Variants in ITGB1 observed in about 807,000 individuals in gnomAD.
ITGB1 encodes the protein integrin beta-1.
ITGB1 carries 24 observed loss-of-function variants against 86.5 expected under a neutral mutation model. That is an observed-to-expected ratio of 0.28 (90% CI 0.20 to 0.39). ITGB1 has a LOEUF of 0.39. Ranked by LOEUF, ITGB1 falls within the 10% of genes least tolerant of loss-of-function variation. The pLI, the probability that ITGB1 is intolerant of heterozygous loss-of-function variation, is 1.00. For missense variants in ITGB1, 556 were observed against 946.9 expected, an observed-to-expected ratio of 0.59 and a Z score of 5.42; for synonymous variants, 323 against 316.8, an observed-to-expected ratio of 1.02 and a Z score of -0.21.
intron 9 of ITGB1, among the ~76,000 whole-genome samples, chr10:32,921,000 CAAAAACAGAAA>C (rs2094947811): frequency 6.6e-6 from 1 of 150,550 alleles, no homozygotes; most frequent in South Asian, 2.1e-4. Context: ...AAAACAAAAA[CAAAAACAGAAA>C]CCCCCCAAAA....
At chr10:32,918,140 A>G (rs2094937716) in intron 11 of ITGB1, among the ~76,000 whole-genome samples, 1 of 152,192 alleles carries the variant, frequency 6.6e-6, no homozygotes, top group South Asian at 2.1e-4. Context: ...TGGGAACTGA[A>G]CAATGAGAAC....
chr10:32,946,678 T>G (rs1449510344), intron 1 of ITGB1, among the ~76,000 whole-genome samples: 2 of 142,388 alleles, frequency 1.4e-5, no homozygotes, highest in East Asian at 4.6e-4. Flanking sequence ...ATTAATTGCC[T>G]TTAAAAATCT....
At chr10:32,932,463 C>T (rs771695671) in intron 3 of ITGB1, 52 bp downstream of exon 3, 2 of 964,826 alleles carry the variant, frequency 2.1e-6, no homozygotes, top group Admixed American at 3.4e-5. Flanking sequence ...AGCACTGAGC[C>T]ACACTAAATG....
At chr10:32,925,721 C>A in intron 6 of ITGB1, 150 bp downstream of exon 6, 1 of 635,206 alleles carries the variant, frequency 1.6e-6, no homozygotes, top group Non-Finnish European at 2.8e-6. Flanking sequence ...TGTATACAGG[C>A]AATTTAAGGG....
chr10:32,951,923 G>C (rs2095043464), intron 1 of ITGB1, among the ~76,000 whole-genome samples: 1 of 152,188 alleles, frequency 6.6e-6, no homozygotes, highest in East Asian at 1.9e-4. Flanking sequence ...CAATTAAGGA[G>C]AATTATCTTC....
At chr10:32,948,449 G>A (rs1593887587) in intron 1 of ITGB1, among the ~76,000 whole-genome samples, 2 of 152,056 alleles carry the variant, frequency 1.3e-5, no homozygotes, top group Admixed American at 1.3e-4. Flanking sequence ...TGAGGGGAGG[G>A]AATAACATAC....
At chr10:32,951,833 G>A (rs551073202) in intron 1 of ITGB1, 1 of 152,196 alleles carries the variant, frequency 6.6e-6, no homozygotes, top group Non-Finnish European at 1.5e-5. Context: ...AAAGATAATT[G>A]TGAGTGGAGC....
chr10:32,923,657 A>G lies in ITGB1; in HGVS notation c.870T>C (p.Leu290=). The part of the protein sequence containing the change: ...AGFHFAGDGK[L]GGIVLPNDGQ... Reference sequence around the variant, plus strand: ...CATCATTTGGTAAAACAATGCCACCAAGTTTCCCATCTCCAGCAAAGTGAA... The same window carrying G: ...CATCATTTGGTAAAACAATGCCACCGAGTTTCCCATCTCCAGCAAAGTGAA... The change falls in exon 7 of 16, where the codon CTT becomes CTC. Residue 290 remains leucine, a synonymous_variant. Coordinates refer to ENST00000302278, the MANE Select transcript of ITGB1 (RefSeq NM_002211.4). The G allele has an allele frequency of 6.2e-7, 1 of 1,613,908 alleles. No homozygotes were observed. Among genetic ancestry groups the G allele is most frequent in the Non-Finnish European group, 8.5e-7 (1 of 1,179,844 alleles).
intron 1 of ITGB1, among the ~76,000 whole-genome samples, 161 bp from the exon 2 acceptor site, chr10:32,935,719 C>T (rs2094999399): frequency 6.6e-6 from 1 of 152,122 alleles, no homozygotes. Context: ...CGCCCATCTC[C>T]CCTCCCTATC....
chr10:32,942,004 G>C (rs1565832004), intron 1 of ITGB1, among the ~76,000 whole-genome samples: 1 of 152,218 alleles, frequency 6.6e-6, no homozygotes, highest in Non-Finnish European at 1.5e-5. Context: ...ACACAGACAT[G>C]AGAGTTGTCA....
intron 5 of ITGB1, among the ~76,000 whole-genome samples, chr10:32,927,052 A>G (rs1379132112): frequency 6.6e-6 from 1 of 152,244 alleles, no homozygotes; most frequent in Non-Finnish European, 1.5e-5. Flanking sequence ...TTGGCACACC[A>G]GCTCTCAATA....
At chr10:32,925,696 T>C (rs898814537) in intron 6 of ITGB1, among the ~76,000 whole-genome samples, 175 bp downstream of exon 6, 1 of 152,250 alleles carries the variant, frequency 6.6e-6, no homozygotes, top group Non-Finnish European at 1.5e-5. Context: ...AATATGCTTT[T>C]ATAAAGGCAC....
At chr10:32,906,482 CG>C in intron 15 of ITGB1, 1 of 224,126 alleles carries the variant, frequency 4.5e-6, no homozygotes, top group South Asian at 4.3e-5. Context: ...CCCAGGTACT[CG>C]GGAGGCTGAG....
At position 32,911,627 on chromosome 10, in the gene ITGB1, G is replaced by A. The variant is rs753990803; in HGVS notation, c.1752C>T (p.Asn584=). The A allele has an allele frequency of 6.2e-7, 1 of 1,614,160 alleles. No individual in the cohort carries two copies. The highest frequency in any genetic ancestry group is 1.1e-5 in the South Asian group (1 of 91,086). The change falls in exon 13 of 16, where the codon AAC becomes AAT. Residue 584 remains asparagine (N), a synonymous_variant. Coordinates refer to ENST00000302278, the MANE Select transcript of ITGB1 (RefSeq NM_002211.4). ...AACAGTCACATGCACTGCCAGTGTA[G>A]TTGGGGTTGCACTCACACACACGAC... ...CKCRVCECNP[N]YTGSACDCSL...
intron 1 of ITGB1, chr10:32,957,790 G>A (rs926537657): frequency 7.2e-5 from 11 of 152,278 alleles, no homozygotes; most frequent in Admixed American, 5.2e-4. Flanking sequence ...GGAGACCGCA[G>A]GTGTCAGGGG....
intron 1 of ITGB1, among the ~76,000 whole-genome samples, chr10:32,954,418 A>G (rs1351251953): frequency 6.6e-6 from 1 of 152,162 alleles, no homozygotes. Context: ...CACTCAAATC[A>G]TCCTCCATAT....
intron 1 of ITGB1, chr10:32,955,551 G>A (rs933845550): frequency 2.0e-5 from 3 of 152,144 alleles, no homozygotes; most frequent in African/African-American, 4.8e-5. Flanking sequence ...ACTACTCACC[G>A]CTGTAAGCCA....
rs114382303 is a variant in ITGB1 at position 32,926,450 on chromosome 10, G to A, written c.548-341C>T. On this transcript the variant is annotated intron_variant, in intron 5 of 15. Coordinates refer to ENST00000302278, the MANE Select transcript of ITGB1 (RefSeq NM_002211.4). ...TGGTGGAAGGTATTTCGATCATGGGGGCAGATCAATCCCTCATGGCTTGGT... is the reference window on the plus strand; with the variant it reads ...TGGTGGAAGGTATTTCGATCATGGGAGCAGATCAATCCCTCATGGCTTGGT... Among the ~76,000 whole-genome samples, 855 of 152,218 alleles carry A rather than the reference G, an allele frequency of 5.6e-3. 13 individuals carry two copies. Among genetic ancestry groups the A allele is most frequent in the African/African-American group, 0.02 (837 of 41,528 alleles).
At chr10:32,937,247 T>C (rs1207497818) in intron 1 of ITGB1, among the ~76,000 whole-genome samples, 1 of 152,184 alleles carries the variant, frequency 6.6e-6, no homozygotes, top group Non-Finnish European at 1.5e-5. Flanking sequence ...ATTGCAATAA[T>C]AAAATGCAGC....
Sources: allele counts gnomAD v4.1 joint callset (sites outside exome capture counted in the v4.1 genomes callset), GRCh38; gene constraint gnomAD v4.1.1; transcripts MANE v1.5; gene names NCBI Gene and HGNC (gene_info 2026-07-23, HGNC 2026-07-21).